The following LRRTM4 variants were observed in gnomAD, a reference collection of about 807,000 sequenced individuals.
LRRTM4 encodes leucine rich repeat transmembrane neuronal 4.
LRRTM4 carries 25 observed loss-of-function variants against 47.6 expected under a neutral mutation model. That is an observed-to-expected ratio of 0.53 (90% CI 0.38 to 0.73). The LOEUF (loss-of-function observed/expected upper bound fraction) is 0.73. LRRTM4 is among the 30% of genes least tolerant of loss of function. The probability of loss-of-function intolerance (pLI) is 0.00; values close to 1 mark genes in which losing one functional copy is unlikely to be tolerated. For synonymous variants in LRRTM4, 311 were observed against 269.5 expected, an observed-to-expected ratio of 1.15 and a Z score of -1.51; for missense variants, 638 against 713.4, an observed-to-expected ratio of 0.89 and a Z score of 1.20.
At chr2:77,032,813 T>C (rs1191428527) in intron 3 of LRRTM4, among the ~76,000 whole-genome samples, 2 of 152,118 alleles carry the variant, frequency 1.3e-5, no homozygotes, top group African/African-American at 4.8e-5. Flanking sequence ...TAATGATATG[T>C]TTGGAAATGC....
At chr2:77,171,540 G>C (rs186440250) in intron 3 of LRRTM4, among the ~76,000 whole-genome samples, 96 of 152,152 alleles carry the variant, frequency 6.3e-4, no homozygotes, top group Middle Eastern at 3.4e-3. Flanking sequence ...GCCTCCCAAA[G>C]AGCTGGGATT....
At chr2:77,049,087 G>C (rs148451044) in intron 3 of LRRTM4, among the ~76,000 whole-genome samples, 2 of 129,248 alleles carry the variant, frequency 1.5e-5, no homozygotes, top group Non-Finnish European at 3.2e-5. Context: ...GTGAATGACA[G>C]TTTGTTTTTT....
At chr2:77,296,626 C>G (rs1676981349) in intron 3 of LRRTM4, among the ~76,000 whole-genome samples, 2 of 152,210 alleles carry the variant, frequency 1.3e-5, no homozygotes, top group South Asian at 4.1e-4. Context: ...GACAAGTAAA[C>G]AAGGTATAAT....
chr2:77,211,533 G>T (rs977170094), intron 3 of LRRTM4, among the ~76,000 whole-genome samples: 6 of 152,102 alleles, frequency 3.9e-5, no homozygotes, highest in African/African-American at 1.4e-4. Flanking sequence ...GTATTTTAAG[G>T]AAAATCAAAT....
At chr2:76,972,576 C>A (rs1016377247) in intron 3 of LRRTM4, among the ~76,000 whole-genome samples, 1 of 151,838 alleles carries the variant, frequency 6.6e-6, no homozygotes, top group Non-Finnish European at 1.5e-5. Context: ...CGCCACCACA[C>A]CTGGCTACTT....
intron 3 of LRRTM4, among the ~76,000 whole-genome samples, chr2:77,227,048 A>T (rs536522412): frequency 1.3e-5 from 2 of 152,044 alleles, no homozygotes; most frequent in South Asian, 4.2e-4. Context: ...ATATCTAGGG[A>T]CAAGCTAAGA....
At chr2:77,083,963 C>T (rs995068192) in intron 3 of LRRTM4, among the ~76,000 whole-genome samples, 1 of 151,568 alleles carries the variant, frequency 6.6e-6, no homozygotes, top group Admixed American at 6.6e-5. Flanking sequence ...CGCCACTGCG[C>T]CTGGCTAATT....
Position 77,248,939 on chromosome 2 carries a change from T to C in LRRTM4, c.1551+269379A>G, listed in dbSNP as rs549618388. Among the ~76,000 whole-genome samples the C allele has an allele frequency of 1.3e-4, 20 of 152,080 alleles. No individual in the cohort carries two copies. In the South Asian group the frequency reaches 3.3e-3, roughly 25 times the overall value. On this transcript the variant is annotated intron_variant, in intron 3 of 3. Transcript: ENST00000409884. ...AAATATAAAAGAAAAAATATAAAAC[T>C]CTTAGAAAAATAACATAGAAGAAAA...
chr2:77,141,667 A>T (rs1672127078), intron 3 of LRRTM4, among the ~76,000 whole-genome samples: 1 of 152,200 alleles, frequency 6.6e-6, no homozygotes, highest in Non-Finnish European at 1.5e-5. Context: ...TAGACATTCA[A>T]TGTAGGTAGA....
intron 3 of LRRTM4, among the ~76,000 whole-genome samples, chr2:76,781,851 G>A (rs960245317): frequency 1.1e-4 from 16 of 152,140 alleles, no homozygotes; most frequent in African/African-American, 3.6e-4. Flanking sequence ...ATCTATTCAG[G>A]TAAATATTTT....
chr2:77,267,940 T>C (rs532417393), intron 3 of LRRTM4, among the ~76,000 whole-genome samples: 42 of 152,224 alleles, frequency 2.8e-4, no homozygotes, highest in African/African-American at 8.9e-4. Flanking sequence ...GATTAGGCAT[T>C]ATAACATTTT....
chr2:77,350,412 TA>T (rs1671725373), intron 3 of LRRTM4, among the ~76,000 whole-genome samples: 1 of 142,120 alleles, frequency 7.0e-6, no homozygotes, highest in South Asian at 2.2e-4. Context: ...AAAAAATTGA[TA>T]AAAATTAATA....
intron 3 of LRRTM4, among the ~76,000 whole-genome samples, chr2:77,060,188 C>T (rs900894052): frequency 6.6e-6 from 1 of 152,100 alleles, no homozygotes; most frequent in Non-Finnish European, 1.5e-5. Context: ...TTGTAATCTT[C>T]CTATGCCTTA....
intron 3 of LRRTM4, among the ~76,000 whole-genome samples, chr2:76,929,713 TAATAA>T (rs1462624866): frequency 6.6e-6 from 1 of 152,132 alleles, no homozygotes; most frequent in African/African-American, 2.4e-5. Flanking sequence ...CCTTTCTGTA[TAATAA>T]AATGAGTGTT....
chr2:77,129,600 T>G (rs1350059395), intron 3 of LRRTM4, among the ~76,000 whole-genome samples: 1 of 152,208 alleles, frequency 6.6e-6, no homozygotes, highest in Non-Finnish European at 1.5e-5. Context: ...CATTTTCTAG[T>G]TTCATTAAGA....
At chr2:77,513,377 T>C (rs997586474) in intron 3 of LRRTM4, among the ~76,000 whole-genome samples, 11 of 152,114 alleles carry the variant, frequency 7.2e-5, no homozygotes, top group African/African-American at 2.7e-4. Context: ...AATCCGAGAA[T>C]TGCTTTGTGT....
intron 3 of LRRTM4, among the ~76,000 whole-genome samples, chr2:77,107,357 T>C (rs1332509437): frequency 2.0e-5 from 3 of 152,172 alleles, no homozygotes; most frequent in African/African-American, 7.2e-5. Context: ...AATAAATACT[T>C]AGGAGAACGT....
At chr2:77,364,783 C>T (rs940516078) in intron 3 of LRRTM4, among the ~76,000 whole-genome samples, 4 of 152,030 alleles carry the variant, frequency 2.6e-5, no homozygotes, top group Non-Finnish European at 4.4e-5. Flanking sequence ...GAATCACAAT[C>T]ATAAGCCGAA....
chr2:77,483,630 C>T (rs1417837668), intron 3 of LRRTM4, among the ~76,000 whole-genome samples: 1 of 152,112 alleles, frequency 6.6e-6, no homozygotes, highest in African/African-American at 2.4e-5. Context: ...CGTGAGCCAC[C>T]GCACCCAGCA....
Sources: allele counts gnomAD v4.1 joint callset (sites outside exome capture counted in the v4.1 genomes callset), GRCh38; gene constraint gnomAD v4.1.1; transcripts MANE v1.5; gene names NCBI Gene and HGNC (gene_info 2026-07-23, HGNC 2026-07-21).